Variants in NTRK3 observed in about 807,000 individuals in gnomAD.
NTRK3 encodes NT-3 growth factor receptor.
Under a neutral mutation model 91.7 loss-of-function variants are expected in NTRK3, and 24 were observed. The observed-to-expected ratio is 0.26, with a 90% CI of 0.19 to 0.37. The LOEUF is 0.37. Ranked by LOEUF, NTRK3 falls within the 10% of genes least tolerant of loss-of-function variation. NTRK3 has a pLI of 1.00. For synonymous variants in NTRK3, 483 were observed against 404.0 expected, an observed-to-expected ratio of 1.20 and a Z score of -2.34; for missense variants, 880 against 1,068.9, an observed-to-expected ratio of 0.82 and a Z score of 2.46.
At chr15:88,211,526 C>T (rs2049247979) in intron 3 of NTRK3, among the ~76,000 whole-genome samples, 1 of 151,814 alleles carries the variant, frequency 6.6e-6, no homozygotes, top group Admixed American at 6.6e-5. Flanking sequence ...GGGTATACAC[C>T]CAGAAGAATT....
intron 5 of NTRK3, among the ~76,000 whole-genome samples, chr15:88,157,159 CA>C (rs1187971273): frequency 6.6e-6 from 1 of 152,140 alleles, no homozygotes; most frequent in Admixed American, 6.5e-5. Context: ...AGCCATTGCG[CA>C]GCCAAGCCAG....
exon 7 of NTRK3, chr15:88,137,515 T>C (rs747682598): frequency 6.2e-7 from 1 of 1,614,160 alleles, no homozygotes; most frequent in South Asian, 1.1e-5. Flanking sequence ...CAGAGCTGCA[T>C]CCAGCGGATG....
chr15:88,149,503 G>A lies in NTRK3; in HGVS notation c.396-2100C>T, dbSNP rs1222482703. ...TGAGACCTCTGGTATGACAGCACAT[G>A]CTCACTAAAAGCCTATACACCTAAG... On this transcript the variant is annotated intron_variant, in intron 5 of 18. Coordinates refer to ENST00000394480, the Ensembl canonical transcript of NTRK3. 3.3e-5 allele frequency among the ~76,000 whole-genome samples: 5 copies of A among 152,312 alleles called. No individual in the cohort carries two copies. The East Asian group carries it at 7.7e-4, about 23-fold the overall frequency.
chr15:87,923,939 G>C (rs1236430838), intron 17 of NTRK3, among the ~76,000 whole-genome samples: 1 of 152,078 alleles, frequency 6.6e-6, no homozygotes, highest in Non-Finnish European at 1.5e-5. Flanking sequence ...CACCAGATGA[G>C]GCCCCTCGAT....
intron 13 of NTRK3, among the ~76,000 whole-genome samples, chr15:88,083,054 A>G (rs577897146): frequency 6.6e-6 from 1 of 152,246 alleles, no homozygotes; most frequent in East Asian, 1.9e-4. Flanking sequence ...AAAACCAATC[A>G]TCCCTTTGGT....
intron 13 of NTRK3, among the ~76,000 whole-genome samples, chr15:88,102,931 T>C (rs1023235704): frequency 1.3e-5 from 2 of 152,192 alleles, no homozygotes; most frequent in African/African-American, 4.8e-5. Flanking sequence ...GTCCCTGCCA[T>C]ATGACTCACA....
chr15:88,247,047 C>G (rs571154268), intron 3 of NTRK3, among the ~76,000 whole-genome samples: 3 of 152,324 alleles, frequency 2.0e-5, no homozygotes, highest in South Asian at 2.1e-4. Context: ...CTTTTAAGGT[C>G]TGTTTACAGA....
In NTRK3 at chr15:88,127,222, G is replaced by T. The variant is rs56198207; in HGVS notation, c.1233C>A (p.Asp411Glu). The stretch of plus-strand genomic sequence containing the variant: ...TGATAGGAGGTGTGGGACTCACTTC[G>T]TCAACTGAAAACCAAACACAAAAAG... Residue 411 changes from aspartate (D) to glutamate (E), a missense_variant, in exon 12 of 19, where the codon GAC (aspartate) becomes GAA (glutamate). This residue lies in a region of NTRK3 where 743 missense variants were observed against 868.6 expected (regional missense o/e 0.86). Transcript: ENST00000394480. The T allele has an allele frequency of 1.2e-6, 2 of 1,613,768 alleles. No homozygotes were observed. The highest frequency in any genetic ancestry group is 3.3e-5 in the Admixed American group (2 of 59,972).
At chr15:88,145,413 G>T (rs2042796586) in intron 6 of NTRK3, among the ~76,000 whole-genome samples, 1 of 152,148 alleles carries the variant, frequency 6.6e-6, no homozygotes, top group East Asian at 1.9e-4. Context: ...ACACACCATG[G>T]ACATGGTGGT....
chr15:88,117,795 A>C (rs2052263729), intron 13 of NTRK3, among the ~76,000 whole-genome samples: 1 of 152,208 alleles, frequency 6.6e-6, no homozygotes, highest in Admixed American at 6.5e-5. Context: ...GTCTCTCTCT[A>C]AGTATGCTGG....
chr15:87,889,507 C>A (rs528678399), intron 17 of NTRK3, among the ~76,000 whole-genome samples: 201 of 148,184 alleles, frequency 1.4e-3, no homozygotes, highest in African/African-American at 4.9e-3. Flanking sequence ...CGGGTTCAAG[C>A]AATTCTCCTC....
At chr15:88,236,655 G>C (rs1288807045) in intron 3 of NTRK3, among the ~76,000 whole-genome samples, 2 of 97,234 alleles carry the variant, frequency 2.1e-5, no homozygotes, top group African/African-American at 6.7e-5. Context: ...GGACGGAAGG[G>C]AGGAAGGGAT....
intron 17 of NTRK3, among the ~76,000 whole-genome samples, chr15:87,900,693 GT>G (rs2066397949): frequency 1.5e-5 from 2 of 135,304 alleles, no homozygotes; most frequent in Non-Finnish European, 3.2e-5. Context: ...TACAGAGGGT[GT>G]GTGTGTGTGT....
chr15:87,980,055 G>A (rs1354500948), intron 14 of NTRK3, among the ~76,000 whole-genome samples: 1 of 152,216 alleles, frequency 6.6e-6, no homozygotes. Flanking sequence ...GTCTGTGGAA[G>A]GTTTAGAGAG....
At chr15:87,970,507 A>G (rs1426163805) in intron 14 of NTRK3, among the ~76,000 whole-genome samples, 2 of 152,208 alleles carry the variant, frequency 1.3e-5, no homozygotes, top group Non-Finnish European at 2.9e-5. Flanking sequence ...TGATCACACT[A>G]TAACCCAGTG....
At chr15:87,893,295 C>T (rs1200372028) in intron 17 of NTRK3, among the ~76,000 whole-genome samples, 1 of 152,176 alleles carries the variant, frequency 6.6e-6, no homozygotes, top group African/African-American at 2.4e-5. Flanking sequence ...CTAGCTGAAA[C>T]CCCCAAACCC....
intron 5 of NTRK3, among the ~76,000 whole-genome samples, chr15:88,172,785 G>A (rs915482712): frequency 6.6e-6 from 1 of 152,152 alleles, no homozygotes; most frequent in Non-Finnish European, 1.5e-5. Flanking sequence ...CGGGGGTTGG[G>A]GGGCATGAGT....
intron 17 of NTRK3, among the ~76,000 whole-genome samples, chr15:87,907,086 A>G (rs775113135): frequency 6.6e-6 from 1 of 152,144 alleles, no homozygotes; most frequent in East Asian, 1.9e-4. Flanking sequence ...ACTTTAGACA[A>G]TCAAACATAC....
At position 87,860,992 on chromosome 15, in the gene NTRK3, T is replaced by A. The variant is rs1469548112; in HGVS notation, c.*15943A>T. On this transcript the variant is annotated 3_prime_UTR_variant, in exon 19 of 19. Coordinates refer to ENST00000394480, the Ensembl canonical transcript of NTRK3. ...AAACTTTCCTTAATTCAAGCCACAC[T>A]GTTGTTGTTGCTGCTGTTTTTTCTT... 1.3e-5 allele frequency: 3 copies of A among 225,284 alleles called. No individual in the cohort carries two copies. The East Asian group carries it at 1.9e-4, about 14-fold the overall frequency. The allele number at this position is 225,284 out of a possible 1,614,324, so 14.0% of individuals were successfully genotyped here.
Sources: gnomAD v4.1 joint callset for allele counts (sites outside exome capture counted in the v4.1 genomes callset) on GRCh38, gnomAD v4.1.1 for gene constraint, gnomAD v4.1.1 regional missense constraint, MANE v1.5 for transcripts, NCBI Gene and HGNC (gene_info 2026-07-23, HGNC 2026-07-21) for gene names.